The following TBR1 variants were observed in gnomAD, a reference collection of about 807,000 sequenced individuals.
TBR1 encodes T-box brain protein 1.
TBR1 carries 7 observed loss-of-function variants against 60.3 expected under a neutral mutation model. That is an observed-to-expected ratio of 0.12 (90% CI 0.07 to 0.22). The LOEUF is 0.22. Among genes scored for constraint, TBR1 ranks in the 10% least tolerant of loss-of-function variants. TBR1 has a pLI of 1.00. For synonymous variants in TBR1, 417 were observed against 409.9 expected (o/e 1.02, Z -0.21); for missense variants, 616 against 936.8 (o/e 0.66, Z 4.47).
rs1404697744 is a variant in TBR1, at chr2:161,424,486, G to A, written c.*259G>A. ...TTTTCCTACTTACTCTTCTTCTGTG[G>A]AGTTATCCTCCTACAATTCCCCTCC... On this transcript the variant is annotated 3_prime_UTR_variant, in exon 6 of 6. Transcript: ENST00000389554. The surrounding 1 kb of genome is among the most constrained non-coding windows in gnomAD (Gnocchi z 4.4). 1 of 438,072 alleles carries A rather than the reference G, an allele frequency of 2.3e-6. No homozygotes were observed. Among genetic ancestry groups the A allele is most frequent in the Non-Finnish European group, 4.1e-6 (1 of 245,756 alleles). 27.1% of individuals were successfully genotyped at this position (438,072 alleles called of 1,614,324 possible).
In TBR1 at chr2:161,424,998, A is replaced by G. The variant is rs1455822300; in HGVS notation, c.*771A>G. 1 of 152,464 alleles carries G rather than the reference A, an allele frequency of 6.6e-6. No individual in the cohort carries two copies. Among genetic ancestry groups the G allele is most frequent in the Non-Finnish European group, 1.5e-5 (1 of 68,058 alleles). 9.4% of individuals were successfully genotyped at this position (152,464 alleles called of 1,614,324 possible). A position where few individuals can be genotyped will look rare whatever the true frequency, so the allele number is the denominator to read the frequency against. On this transcript the variant is annotated 3_prime_UTR_variant, in exon 6 of 6. Coordinates refer to ENST00000389554, the MANE Select transcript of TBR1 (RefSeq NM_006593.4). This position sits in a 1 kb window ranked among gnomAD's most constrained non-coding sequence, Gnocchi z 4.4. ...ACTTCTCCTCAATCCGTTGCATGAA[A>G]TAATTACTATGTGCCCTAATGCACA...
Position 161,416,494 on chromosome 2 carries a change from C to G in TBR1, c.84C>G (p.Gly28=). ...LNVSSSYPHS[G]GSELVLHDHP... ...TGAGCAGCAGCTACCCACATTCAGGCGGATCCGAGCTTGTCTTGCACGATC... is the reference window on the plus strand; with the variant it reads ...TGAGCAGCAGCTACCCACATTCAGGGGGATCCGAGCTTGTCTTGCACGATC... The change falls in exon 1 of 6, where the codon GGC becomes GGG. Residue 28 remains glycine (G), a synonymous_variant. Coordinates refer to ENST00000389554, the MANE Select transcript of TBR1 (RefSeq NM_006593.4). The surrounding 1 kb of genome is among the most constrained non-coding windows in gnomAD (Gnocchi z 6.1). 1.2e-6 allele frequency: 2 copies of G among 1,614,014 alleles called. No homozygotes were observed. Among genetic ancestry groups the G allele is most frequent in the Non-Finnish European group, 1.7e-6 (2 of 1,179,946 alleles).
intron 3 of TBR1, 97 bp downstream of exon 3, chr2:161,418,419 C>T (rs1486466574): frequency 2.1e-6 from 3 of 1,445,480 alleles, no homozygotes; most frequent in African/African-American, 1.4e-5. Flanking sequence ...ACTGGATACA[C>T]GTTTCTTTGC....
At position 161,417,977 on chromosome 2, in the gene TBR1, A is replaced by G. The variant is rs1012652563; in HGVS notation, c.847+147A>G. On this transcript the variant is annotated intron_variant, in intron 2 of 5. Transcript: ENST00000389554. This position sits in a 1 kb window ranked among gnomAD's most constrained non-coding sequence, Gnocchi z 5.3. The stretch of plus-strand genomic sequence containing the variant: ...ACGAGGGGGACAGGGGGACAGACTG[A>G]GCTGCGAGAAGGGGGAGGATTATGC... 57 of 1,455,394 alleles carry G rather than the reference A, an allele frequency of 3.9e-5. No individual in the cohort carries two copies. The highest frequency in any genetic ancestry group is 5.1e-5 in the Non-Finnish European group (56 of 1,103,942). The allele number at this position is 1,455,394 out of a possible 1,614,324, so 90.2% of individuals were successfully genotyped here. A position where few individuals can be genotyped will look rare whatever the true frequency, so the allele number is the denominator to read the frequency against.
intron 5 of TBR1, 112 bp from the exon 6 acceptor site, chr2:161,423,257 G>A (rs1223395376): frequency 1.4e-6 from 1 of 716,396 alleles, no homozygotes; most frequent in Non-Finnish European, 2.2e-6. Context: ...GTAGATGGAG[G>A]GTGTGGGGGT....
rs772152573 is a variant in TBR1 at position 161,423,831 on chromosome 2, G to T, written c.1653G>T (p.Pro551=). ...DPSGWGARSP[P]QYCGTKSGSV... ...CGGGCTGGGGCGCCCGCAGTCCCCC[G>T]CAGTACTGCGGCACCAAGTCGGGCT... The change falls in exon 6 of 6, where the codon CCG becomes CCT. Residue 551 remains proline (P), a synonymous_variant. Coordinates refer to ENST00000389554, the MANE Select transcript of TBR1 (RefSeq NM_006593.4). 2.0e-5 allele frequency: 30 copies of T among 1,471,884 alleles called. No individual in the cohort carries two copies. The highest frequency in any genetic ancestry group is 4.7e-4 in the Middle Eastern group (2 of 4,252). The allele number at this position is 1,471,884 out of a possible 1,614,324, so 91.2% of individuals were successfully genotyped here.
intron 5 of TBR1, 54 bp downstream of exon 5, chr2:161,420,311 C>A: frequency 1.4e-6 from 2 of 1,446,570 alleles, no homozygotes; most frequent in South Asian, 1.2e-5. Context: ...GGCTTTAGGT[C>A]AAAGGTGTAT....
At position 161,419,722 on chromosome 2, in the gene TBR1, A is replaced by G. The variant is rs181640486; in HGVS notation, c.1129-474A>G. ...TTCTTTTTTTTACTTAAATGATAAT[A>G]TCAGAAATTAAAACATGCTTTTAAA... is the stretch of plus-strand genomic sequence containing the variant. On this transcript the variant is annotated intron_variant, in intron 4 of 5. Transcript: ENST00000389554. 308 of 152,544 alleles carry G rather than the reference A, an allele frequency of 2.0e-3. 6 individuals carry two copies. The Middle Eastern group carries it at 0.027, about 13-fold the overall frequency. The allele number at this position is 152,544 out of a possible 1,614,324, so 9.4% of individuals were successfully genotyped here.
Position 161,424,158 on chromosome 2 carries a change from C to T in TBR1, c.1980C>T (p.Ala660=), listed in dbSNP as rs150884557. ...SSSPLKSEVL[A]QRDCEKNCAK... is the part of the protein sequence containing the mutation. ...CCCCGCTCAAGAGCGAGGTGCTGGC[C>T]CAGCGGGACTGCGAGAAGAACTGCG... The change falls in exon 6 of 6, where the codon GCC becomes GCT. Residue 660 remains alanine, a synonymous_variant. Transcript: ENST00000389554. The surrounding 1 kb of genome is among the most constrained non-coding windows in gnomAD (Gnocchi z 4.4). 21 of 1,613,076 alleles carry T rather than the reference C, an allele frequency of 1.3e-5. No individual in the cohort carries two copies. In the African/African-American group the frequency reaches 2.7e-4, roughly 21 times the overall value.
chr2:161,420,435 T>A, intron 5 of TBR1, 178 bp downstream of exon 5: 1 of 259,804 alleles, frequency 3.8e-6, no homozygotes, highest in South Asian at 1.0e-4. Flanking sequence ...TTTTTTTTTT[T>A]TTTTTTGGTT....
rs1684138343 is a variant in TBR1 at position 161,417,186 on chromosome 2, A to C, written c.692+84A>C. 2 of 1,420,276 alleles carry C rather than the reference A, an allele frequency of 1.4e-6. No homozygotes were observed. The highest frequency in any genetic ancestry group is 2.5e-5 in the Admixed American group (1 of 39,432). 88.0% of individuals were successfully genotyped at this position (1,420,276 alleles called of 1,614,324 possible). A position where few individuals can be genotyped will look rare whatever the true frequency, so the allele number is the denominator to read the frequency against. ...GGCTGTGACTGCCGCGGCAGCGACG[A>C]TTTGGGGTCGGGAGCGGAGTGGAAG... On this transcript the variant is annotated intron_variant, in intron 1 of 5. Coordinates refer to ENST00000389554, the MANE Select transcript of TBR1 (RefSeq NM_006593.4). The surrounding 1 kb of genome is among the most constrained non-coding windows in gnomAD (Gnocchi z 5.3).
rs374084340 is a variant in TBR1, at chr2:161,417,076, G to A, written c.666G>A (p.Thr222=). The change falls in exon 1 of 6, where the codon ACG becomes ACA. Residue 222 remains threonine (T), a synonymous_variant. Transcript: ENST00000389554. This position sits in a 1 kb window ranked among gnomAD's most constrained non-coding sequence, Gnocchi z 5.3. ...GGCTGAAATTTCACCGGCACCAAAC[G>A]GAGATGATCATCACCAAACAGGGAA... ...PLWLKFHRHQ[T]EMIITKQGRR... 2.5e-6 allele frequency: 4 copies of A among 1,608,868 alleles called. No homozygotes were observed. The highest frequency in any genetic ancestry group is 3.4e-6 in the Non-Finnish European group (4 of 1,177,658).
At chr2:161,422,193 A>G (rs937771503) in intron 5 of TBR1, 1 of 152,252 alleles carries the variant, frequency 6.6e-6, no homozygotes, top group African/African-American at 2.4e-5. Context: ...TCTGTTGACT[A>G]AAGATTAAAA....
intron 4 of TBR1, 32 bp downstream of exon 4, chr2:161,419,082 G>C (rs764882036): frequency 6.8e-6 from 11 of 1,613,194 alleles, no homozygotes; most frequent in Non-Finnish European, 8.5e-7. Flanking sequence ...GGGCGAGGCG[G>C]GCGGCACAGA....
At chr2:161,420,043 C>T in intron 4 of TBR1, 153 bp from the exon 5 acceptor site, 1 of 472,282 alleles carries the variant, frequency 2.1e-6, no homozygotes, top group African/African-American at 2.0e-5. Context: ...TTTTCCTTTC[C>T]ACTCAATCCC....
rs756097208 is a variant in TBR1 at position 161,424,056 on chromosome 2, C to T, written c.1878C>T (p.Ser626=). The T allele has an allele frequency of 2.5e-6, 4 of 1,609,302 alleles. No individual in the cohort carries two copies. Among genetic ancestry groups the T allele is most frequent in the South Asian group, 1.1e-5 (1 of 89,950 alleles). Residue 626 remains serine (S), a synonymous_variant, in exon 6 of 6, where the codon TCC becomes TCT. Transcript: ENST00000389554. This position sits in a 1 kb window ranked among gnomAD's most constrained non-coding sequence, Gnocchi z 4.4. ...ETPSSIKSID[S]SDSGIYEQAK... is the part of the protein sequence containing the mutation. Reference sequence around the variant, plus strand: ...CCTCCTCGATCAAGTCCATCGACTCCAGCGACTCGGGGATTTACGAGCAGG... The same window carrying T: ...CCTCCTCGATCAAGTCCATCGACTCTAGCGACTCGGGGATTTACGAGCAGG...
In TBR1 at chr2:161,418,677, C is replaced by T. The variant is rs1191641431; in HGVS notation, c.970-215C>T. On this transcript the variant is annotated intron_variant, in intron 3 of 5. Transcript: ENST00000389554. ...GGGCGGTCGGCTTCCCCCTTTTTTCCGGTGCCCCGGCTTATCTTCGCTCCC... is the reference window on the plus strand; with the variant it reads ...GGGCGGTCGGCTTCCCCCTTTTTTCTGGTGCCCCGGCTTATCTTCGCTCCC... 5 of 653,024 alleles carry T rather than the reference C, an allele frequency of 7.7e-6. No homozygotes were observed. The East Asian group carries it at 1.6e-4, about 21-fold the overall frequency. 40.5% of individuals were successfully genotyped at this position (653,024 alleles called of 1,614,324 possible).
intron 4 of TBR1, 162 bp downstream of exon 4, chr2:161,419,212 G>C: frequency 9.8e-7 from 1 of 1,020,314 alleles, no homozygotes; most frequent in Non-Finnish European, 1.4e-6. Flanking sequence ...GCCTGCCCAC[G>C]GCACCTTTCC....
At chr2:161,418,129 T>TGTGTCC (rs1684163879) in intron 2 of TBR1, 72 bp from the exon 3 acceptor site, 2 of 1,503,676 alleles carry the variant, frequency 1.3e-6, no homozygotes, top group Admixed American at 3.9e-5. Context: ...TGTGTGTGTG[T>TGTGTCC]GTCCTACGTG....
Sources: gnomAD v4.1 joint callset for allele counts on GRCh38, gnomAD v4.1.1 for gene constraint, Gnocchi (gnomAD v3.1) non-coding constraint, MANE v1.5 for transcripts, NCBI Gene and HGNC (gene_info 2026-07-23, HGNC 2026-07-21) for gene names.